STRA8: variants seen among roughly 807,000 people sequenced by gnomAD.
STRA8 encodes stimulated by retinoic acid gene 8 protein homolog.
A neutral mutation model predicts 37.1 loss-of-function variants in STRA8; 18 were observed. The ratio of observed to expected loss-of-function variants is 0.48; its 90% CI spans 0.34 to 0.72. The LOEUF is 0.72. STRA8 is among the 30% of genes least tolerant of loss of function. The pLI, the probability that STRA8 is intolerant of heterozygous loss-of-function variation, is 0.01. For missense variants in STRA8, 357 were observed against 410.4 expected (o/e 0.87, Z 1.13); for synonymous variants, 168 against 162.9 (o/e 1.03, Z -0.24).
chr7:135,234,094 GATGATGATGATT>G (rs1562967299), intron 1 of STRA8, among the ~76,000 whole-genome samples, 191 bp downstream of exon 1: 1 of 147,762 alleles, frequency 6.8e-6, no homozygotes, highest in African/African-American at 2.5e-5. Context: ...TGATGATGAT[GATGATGATGATT>G]ATTATTATTA....
At chr7:135,239,660 A>G (rs368019404) in intron 1 of STRA8, among the ~76,000 whole-genome samples, 1 of 152,164 alleles carries the variant, frequency 6.6e-6, no homozygotes, top group East Asian at 1.9e-4. Context: ...GGCTCAGGTA[A>G]AAGGCCCTGG....
In STRA8 at chr7:135,258,451, A is replaced by G. The variant is rs778547797; in HGVS notation, c.1099A>G (p.Met367Val). The change falls in exon 9 of 9, where the codon ATG becomes GTG. Residue 367 changes from methionine (M) to valine (V), a missense_variant. Coordinates refer to ENST00000662584, the MANE Select transcript of STRA8 (RefSeq NM_001394401.1). Reference protein sequence around the residue: ...ASFPVDEEMIMLQCTETFDDE... With the variant: ...ASFPVDEEMIVLQCTETFDDE... ...CTTTCCCGTTGATGAAGAGATGATCATGTTGCAGTGCACAGAGACCTTTGA... is the reference window on the plus strand; with the variant it reads ...CTTTCCCGTTGATGAAGAGATGATCGTGTTGCAGTGCACAGAGACCTTTGA... 6.2e-7 allele frequency: 1 copy of G among 1,607,276 alleles called. No individual in the cohort carries two copies. Among genetic ancestry groups the G allele is most frequent in the East Asian group, 2.2e-5 (1 of 44,782 alleles).
intron 6 of STRA8, among the ~76,000 whole-genome samples, chr7:135,247,388 G>A (rs1321530304): frequency 6.6e-6 from 1 of 152,180 alleles, no homozygotes; most frequent in Non-Finnish European, 1.5e-5. Flanking sequence ...TCTTGGCTCT[G>A]CTCAGTTTCT....
At chr7:135,237,659 C>T (rs749200930) in intron 1 of STRA8, among the ~76,000 whole-genome samples, 3 of 151,992 alleles carry the variant, frequency 2.0e-5, no homozygotes, top group South Asian at 4.2e-4. Context: ...TTTGGGAGGC[C>T]GAGGCAGGCG....
chr7:135,234,099 TGA>T (rs1832333501), intron 1 of STRA8, among the ~76,000 whole-genome samples, 196 bp downstream of exon 1: 12 of 150,394 alleles, frequency 8.0e-5, no homozygotes, highest in Admixed American at 2.0e-4. Context: ...ATGATGATGA[TGA>T]TGATTATTAT....
upstream of STRA8, chr7:135,232,095 T>A: frequency 6.7e-7 from 1 of 1,494,486 alleles, no homozygotes; most frequent in Non-Finnish European, 9.3e-7. Flanking sequence ...TGGGTGCACA[T>A]CTGCTTGTGT....
At chr7:135,256,061 G>T (rs1281507646) in intron 8 of STRA8, among the ~76,000 whole-genome samples, 1 of 152,228 alleles carries the variant, frequency 6.6e-6, no homozygotes, top group East Asian at 1.9e-4. Flanking sequence ...GGAAGCTTTT[G>T]TCAGAGAAGG....
chr7:135,254,114 A>G (rs1311704607), intron 7 of STRA8, among the ~76,000 whole-genome samples: 4 of 152,190 alleles, frequency 2.6e-5, no homozygotes, highest in African/African-American at 9.6e-5. Context: ...AGTGCTTCTC[A>G]GCTGTGAGTG....
At chr7:135,234,208 G>A (rs1832336644) in intron 1 of STRA8, among the ~76,000 whole-genome samples, 1 of 152,112 alleles carries the variant, frequency 6.6e-6, no homozygotes, top group Admixed American at 6.5e-5. Context: ...CCGGGTTCAA[G>A]CGATTCTCCT....
upstream of STRA8, chr7:135,231,952 C>A: frequency 6.2e-7 from 1 of 1,612,622 alleles, no homozygotes; most frequent in South Asian, 1.1e-5. Flanking sequence ...CCCCAGTGTT[C>A]ATGGCAGAGC....
intron 4 of STRA8, among the ~76,000 whole-genome samples, chr7:135,244,527 G>T (rs1832516588): frequency 6.6e-6 from 1 of 152,082 alleles, no homozygotes; most frequent in African/African-American, 2.4e-5. Context: ...AATTTATCCT[G>T]TTTTTAATAG....
intron 1 of STRA8, among the ~76,000 whole-genome samples, chr7:135,238,466 G>A (rs1251685165): frequency 2.0e-5 from 3 of 152,336 alleles, no homozygotes; most frequent in East Asian, 1.9e-4. Context: ...TGGGCAGAAG[G>A]GAGGACACCC....
At chr7:135,254,195 A>G (rs1451792791) in intron 7 of STRA8, among the ~76,000 whole-genome samples, 1 of 152,218 alleles carries the variant, frequency 6.6e-6, no homozygotes, top group African/African-American at 2.4e-5. Flanking sequence ...CTGCAAAGAC[A>G]ACCATCGAGA....
rs1399507770 is a variant in STRA8, at chr7:135,238,346, G to A, written c.-6-2173G>A. On this transcript the variant is annotated intron_variant, in intron 1 of 8. Coordinates refer to ENST00000662584, the MANE Select transcript of STRA8 (RefSeq NM_001394401.1). The stretch of plus-strand genomic sequence containing the variant: ...GGGCGAGCAGCCCTGGCGGCTCCTA[G>A]AGGCGACTGGTGGGAAGTCTGCCCC... 2.6e-5 allele frequency among the ~76,000 whole-genome samples: 4 copies of A among 152,174 alleles called. No individual in the cohort carries two copies. The East Asian group carries it at 7.7e-4, about 29-fold the overall frequency.
intron 4 of STRA8, among the ~76,000 whole-genome samples, chr7:135,244,626 T>C (rs1257959282): frequency 7.9e-5 from 12 of 152,254 alleles, no homozygotes; most frequent in Non-Finnish European, 1.8e-4. Context: ...AACTGTTCAT[T>C]GCTACTATGT....
At chr7:135,234,124 G>C (rs1311786568) in intron 1 of STRA8, among the ~76,000 whole-genome samples, 1 of 150,482 alleles carries the variant, frequency 6.6e-6, no homozygotes, top group African/African-American at 2.5e-5. Flanking sequence ...TTATCATTTT[G>C]AGACGGAGTT....
Position 135,245,439 on chromosome 7 carries a change from G to A in STRA8, c.505G>A (p.Glu169Lys), listed in dbSNP as rs1443174612. The A allele has an allele frequency of 1.3e-6, 1 of 755,072 alleles. No individual in the cohort carries two copies. The highest frequency in any genetic ancestry group is 1.7e-5 in the African/African-American group (1 of 58,322). The allele number at this position is 755,072 out of a possible 1,614,324, so 46.8% of individuals were successfully genotyped here. The change falls in exon 5 of 9, where the codon GAA (glutamate) becomes AAA (lysine). Residue 169 changes from glutamate to lysine, a missense_variant. Physicochemically the swap from Glu to Lys is moderately conservative, Grantham distance 56 (BLOSUM62 1). Transcript: ENST00000662584. ...AGAAGAGGAGGAGGAGGAAGAGGAG[G>A]AAGAGGAAGAGGAGGAGGAGGAAGA... is the stretch of plus-strand genomic sequence containing the variant. The part of the protein sequence containing the change: ...EEEEEEEEEE[E>K]EEEEEEEEEK...
At chr7:135,248,715 GAC>G (rs1292123878) in intron 6 of STRA8, among the ~76,000 whole-genome samples, 1 of 152,062 alleles carries the variant, frequency 6.6e-6, no homozygotes, top group Non-Finnish European at 1.5e-5. Context: ...ATCTATCCCA[GAC>G]ACACTGAATC....
In STRA8 at chr7:135,242,768, T is replaced by C; in HGVS notation, c.193-13T>C. ...AGAGGCTGGCTTTCAGCATTGTCTC[T>C]GTCTATCCTCAGTGGCAGGTTCTGA... On this transcript the variant is annotated splice_polypyrimidine_tract_variant and intron_variant, in intron 2 of 8. Coordinates refer to ENST00000662584, the MANE Select transcript of STRA8 (RefSeq NM_001394401.1). The C allele has an allele frequency of 2.5e-6, 4 of 1,614,020 alleles. No homozygotes were observed. Among genetic ancestry groups the C allele is most frequent in the Non-Finnish European group, 3.4e-6 (4 of 1,179,872 alleles).
Sources: gnomAD v4.1 joint callset for allele counts (sites outside exome capture counted in the v4.1 genomes callset) on GRCh38, gnomAD v4.1.1 for gene constraint, MANE v1.5 for transcripts, NCBI Gene and HGNC (gene_info 2026-07-23, HGNC 2026-07-21) for gene names.